Variants in ADARB2 observed in about 807,000 individuals in gnomAD.
ADARB2 encodes adenosine deaminase RNA specific B2 (inactive).
ADARB2 carries 25 observed loss-of-function variants against 62.2 expected under a neutral mutation model. That is an observed-to-expected ratio of 0.40 (90% CI 0.29 to 0.56). ADARB2 has a LOEUF of 0.56. Ranked by LOEUF, ADARB2 falls within the 20% of genes least tolerant of loss-of-function variation. The pLI, the probability that ADARB2 is intolerant of heterozygous loss-of-function variation, is 0.43. For synonymous variants in ADARB2, 572 were observed against 500.8 expected, an observed-to-expected ratio of 1.14 and a Z score of -1.90; for missense variants, 1,071 against 1,077.4, an observed-to-expected ratio of 0.99 and a Z score of 0.08.
intron 3 of ADARB2, among the ~76,000 whole-genome samples, chr10:1,296,505 G>A (rs929547607): frequency 2.0e-4 from 30 of 152,136 alleles, no homozygotes; most frequent in Non-Finnish European, 3.5e-4. Flanking sequence ...CCTAACTGGC[G>A]GCAGAGAATT....
rs1181152107 is a variant in ADARB2 at position 1,209,522 on chromosome 10, C to T, written c.1682+7429G>A. On this transcript the variant is annotated intron_variant, in intron 7 of 9. Coordinates refer to ENST00000381312, the MANE Select transcript of ADARB2 (RefSeq NM_018702.4). ...CCATGCCTACACTGTCACCCATGCC[C>T]ACACCTACAGCCTCGCCCACACCCA... Among the ~76,000 whole-genome samples the T allele has an allele frequency of 3.9e-3, 582 of 149,018 alleles. 3 individuals carry two copies. The highest frequency in any genetic ancestry group is 0.014 in the African/African-American group (543 of 40,112).
intron 1 of ADARB2, among the ~76,000 whole-genome samples, chr10:1,582,239 G>A (rs1296756737): frequency 5.3e-5 from 8 of 152,228 alleles, no homozygotes; most frequent in African/African-American, 1.9e-4. Context: ...CAGCTACTTC[G>A]GCAGCAGTGG....
intron 4 of ADARB2, among the ~76,000 whole-genome samples, chr10:1,256,396 G>A (rs528902305): frequency 2.0e-5 from 3 of 152,206 alleles, no homozygotes; most frequent in Non-Finnish European, 2.9e-5. Context: ...GATGAGGAGA[G>A]GTCAGGGGGC....
chr10:1,349,645 G>A (rs1432638221), intron 3 of ADARB2, among the ~76,000 whole-genome samples: 2 of 151,816 alleles, frequency 1.3e-5, no homozygotes, highest in Non-Finnish European at 1.5e-5. Context: ...CAATCTTGGC[G>A]CCACCCTTCA....
intron 1 of ADARB2, among the ~76,000 whole-genome samples, chr10:1,570,202 T>C (rs1406927959): frequency 1.3e-5 from 2 of 152,238 alleles, no homozygotes; most frequent in Non-Finnish European, 2.9e-5. Flanking sequence ...TAACAGTATA[T>C]GTTGAAGTTG....
intron 1 of ADARB2, among the ~76,000 whole-genome samples, chr10:1,543,197 C>T (rs1246885373): frequency 6.6e-6 from 1 of 152,218 alleles, no homozygotes; most frequent in Non-Finnish European, 1.5e-5. Context: ...AAACGAAACC[C>T]TGAGAAGCAG....
chr10:1,347,990 T>TGA (rs372823995), intron 3 of ADARB2, among the ~76,000 whole-genome samples: 86 of 149,922 alleles, frequency 5.7e-4, no homozygotes, highest in Middle Eastern at 3.4e-3. Context: ...AGAGAGATAC[T>TGA]GAGAGAGAGA....
intron 1 of ADARB2, among the ~76,000 whole-genome samples, chr10:1,390,111 C>T (rs767941359): frequency 1.3e-5 from 2 of 152,106 alleles, no homozygotes; most frequent in Non-Finnish European, 2.9e-5. Context: ...AATTACTCTT[C>T]AGTAAAACAA....
intron 1 of ADARB2, among the ~76,000 whole-genome samples, chr10:1,657,858 T>C (rs1243733964): frequency 6.6e-6 from 1 of 151,950 alleles, no homozygotes; most frequent in African/African-American, 2.4e-5. Context: ...TTCTCTCTCT[T>C]TCTCTCTGCT....
chr10:1,405,718 T>C (rs1322881006), intron 1 of ADARB2, among the ~76,000 whole-genome samples: 1 of 151,588 alleles, frequency 6.6e-6, no homozygotes, highest in Non-Finnish European at 1.5e-5. Flanking sequence ...TGTTGAAGCC[T>C]CTAAGAAGCT....
At chr10:1,622,999 G>T (rs1588327581) in intron 1 of ADARB2, among the ~76,000 whole-genome samples, 1 of 152,108 alleles carries the variant, frequency 6.6e-6, no homozygotes, top group South Asian at 2.1e-4. Context: ...GTAGGCCAAA[G>T]GTGCAAACTA....
intron 1 of ADARB2, among the ~76,000 whole-genome samples, chr10:1,412,725 A>G (rs914386900): frequency 6.6e-6 from 1 of 152,170 alleles, no homozygotes; most frequent in Non-Finnish European, 1.5e-5. Flanking sequence ...TGGGCGGGGC[A>G]GGTGGGTGTG....
intron 1 of ADARB2, among the ~76,000 whole-genome samples, chr10:1,487,307 T>A (rs969562497): frequency 1.3e-5 from 2 of 152,258 alleles, no homozygotes; most frequent in African/African-American, 2.4e-5. Flanking sequence ...AGTTGCAAGT[T>A]ATTGAAAACA....
At chr10:1,503,096 T>C (rs1242664966) in intron 1 of ADARB2, among the ~76,000 whole-genome samples, 1 of 152,240 alleles carries the variant, frequency 6.6e-6, no homozygotes, top group East Asian at 1.9e-4. Flanking sequence ...ATACAGCAGC[T>C]ATCTCCACTA....
At position 1,255,101 on chromosome 10, in the gene ADARB2, G is replaced by A. The variant is rs185350017; in HGVS notation, c.1193-12802C>T. On this transcript the variant is annotated intron_variant, in intron 4 of 9. Coordinates refer to ENST00000381312, the MANE Select transcript of ADARB2 (RefSeq NM_018702.4). This position sits in a 1 kb window ranked among gnomAD's most constrained non-coding sequence, Gnocchi z 4.7. The stretch of plus-strand genomic sequence containing the variant: ...AGGTGCTGAGACTGCCAGTCATGCC[G>A]GGGCTCAGCCCCAGTGAGGGAGCAA... Among the ~76,000 whole-genome samples, 2 of 152,356 alleles carry A rather than the reference G, an allele frequency of 1.3e-5. No individual in the cohort carries two copies. Among genetic ancestry groups the A allele is most frequent in the African/African-American group, 2.4e-5 (1 of 41,582 alleles).
At chr10:1,591,676 C>CACACACAT in intron 1 of ADARB2, among the ~76,000 whole-genome samples, 1 of 150,266 alleles carries the variant, frequency 6.7e-6, no homozygotes, top group South Asian at 2.1e-4. Flanking sequence ...CACACACACA[C>CACACACAT]ACGCACACAC....
intron 3 of ADARB2, among the ~76,000 whole-genome samples, chr10:1,347,124 C>T (rs1832087874): frequency 6.6e-6 from 1 of 152,234 alleles, no homozygotes; most frequent in Non-Finnish European, 1.5e-5. Context: ...TGGCCCATTC[C>T]CTTCGGTTCT....
chr10:1,694,963 T>G (rs1037164236), intron 1 of ADARB2, among the ~76,000 whole-genome samples: 8 of 152,134 alleles, frequency 5.3e-5, no homozygotes, highest in African/African-American at 1.9e-4. Context: ...GCTCCACGCC[T>G]GCACCGGGAG....
At chr10:1,686,387 T>C (rs1834597363) in intron 1 of ADARB2, among the ~76,000 whole-genome samples, 1 of 152,238 alleles carries the variant, frequency 6.6e-6, no homozygotes, top group African/African-American at 2.4e-5. Context: ...CCAAATAGGT[T>C]TGAAGGAAGC....
Sources: gnomAD v4.1 joint callset for allele counts (sites outside exome capture counted in the v4.1 genomes callset) on GRCh38, gnomAD v4.1.1 for gene constraint, Gnocchi (gnomAD v3.1) non-coding constraint, MANE v1.5 for transcripts, NCBI Gene and HGNC (gene_info 2026-07-23, HGNC 2026-07-21) for gene names.